Variants in NAA15 observed in about 807,000 individuals in gnomAD.
NAA15 encodes the protein N-alpha-acetyltransferase 15, NatA auxiliary subunit, also known as N-terminal acetyltransferase.
NAA15 carries 34 observed loss-of-function variants against 114.0 expected under a neutral mutation model. The observed-to-expected ratio is 0.30, with a 90% CI of 0.23 to 0.40. The LOEUF (loss-of-function observed/expected upper bound fraction) is 0.40. Ranked by LOEUF, NAA15 falls within the 10% of genes least tolerant of loss-of-function variation. The probability of loss-of-function intolerance (pLI) is 1.00; values close to 1 mark genes in which losing one functional copy is unlikely to be tolerated. For synonymous variants in NAA15, 340 were observed against 338.0 expected (o/e 1.01, Z -0.06); for missense variants, 658 against 1,004.5 (o/e 0.66, Z 4.66).
At chr4:139,363,435 T>G (rs1264525578) in intron 14 of NAA15, among the ~76,000 whole-genome samples, 3 of 152,194 alleles carry the variant, frequency 2.0e-5, no homozygotes, top group Non-Finnish European at 2.9e-5. Context: ...TTCAGGATGG[T>G]TCTTTGCAGG....
At chr4:139,377,665 A>G (rs772944561) in intron 16 of NAA15, among the ~76,000 whole-genome samples, 4 of 152,232 alleles carry the variant, frequency 2.6e-5, no homozygotes, top group South Asian at 2.1e-4. Flanking sequence ...TTACATAGGT[A>G]TATAATATAG....
At chr4:139,355,247 A>ATT (rs977344936) in intron 10 of NAA15, among the ~76,000 whole-genome samples, 1 of 147,950 alleles carries the variant, frequency 6.8e-6, no homozygotes, top group South Asian at 2.1e-4. Flanking sequence ...TATAAATGCC[A>ATT]TTTTTTTTTT....
intron 6 of NAA15, among the ~76,000 whole-genome samples, chr4:139,345,744 C>A (rs1747557742): frequency 1.3e-5 from 2 of 152,142 alleles, no homozygotes; most frequent in South Asian, 4.1e-4. Flanking sequence ...TCTGGTGAAA[C>A]CTCGTCTCTA....
rs780915831 is a variant in NAA15 at position 139,376,389 on chromosome 4, A to G, written c.1972A>G (p.Ile658Val). ...AKVETPLEEA[I>V]KFLTPLKNLV... ...GGTTGAAACTCCATTGGAAGAAGCT[A>G]TTAAATTTTTAACACCGTTGAAGAA... Residue 658 changes from isoleucine to valine, a missense_variant, in exon 16 of 20, where the codon ATT (isoleucine) becomes GTT (valine). Physicochemically the swap from Ile to Val is conservative, Grantham distance 29. Coordinates refer to ENST00000296543, the MANE Select transcript of NAA15 (RefSeq NM_057175.5). 16 of 1,609,780 alleles carry G rather than the reference A, an allele frequency of 9.9e-6. No individual in the cohort carries two copies. Among genetic ancestry groups the G allele is most frequent in the Non-Finnish European group, 1.4e-5 (16 of 1,176,342 alleles).
chr4:139,387,961 A>T lies in NAA15; in HGVS notation c.2478A>T (p.Ala826=). Residue 826 remains alanine (A), a synonymous_variant, in exon 20 of 20, where the codon GCA becomes GCT. Coordinates refer to ENST00000296543, the MANE Select transcript of NAA15 (RefSeq NM_057175.5). The part of the protein sequence containing the change: ...DCKEAAEIYR[A]NCHKLFPYAL... ...AAGAAGCTGCTGAAATTTATAGAGC[A>T]AATTGTCATAAGCTTTTCCCTTATG... 1 of 1,614,048 alleles carries T rather than the reference A, an allele frequency of 6.2e-7. No individual in the cohort carries two copies. The highest frequency in any genetic ancestry group is 1.1e-5 in the South Asian group (1 of 91,080).
At chr4:139,309,348 C>CAA (rs1185235574) in intron 1 of NAA15, among the ~76,000 whole-genome samples, 2 of 68,754 alleles carry the variant, frequency 2.9e-5, no homozygotes, top group African/African-American at 5.6e-5. Context: ...AACTTCGTCT[C>CAA]AAAAAAAAAA....
intron 6 of NAA15, among the ~76,000 whole-genome samples, chr4:139,344,761 C>A (rs1245651194): frequency 6.6e-6 from 1 of 151,980 alleles, no homozygotes; most frequent in African/African-American, 2.4e-5. Context: ...TCAGTCTTTA[C>A]TAAAATACAT....
chr4:139,325,685 G>A (rs895382304), intron 1 of NAA15, among the ~76,000 whole-genome samples: 3 of 152,318 alleles, frequency 2.0e-5, no homozygotes, highest in Non-Finnish European at 4.4e-5. Flanking sequence ...GTTTTGTTCT[G>A]TCGCTCAGGT....
intron 3 of NAA15, among the ~76,000 whole-genome samples, chr4:139,338,898 CCTCCTGGGTTCAGGTAATA>C (rs1282392429): frequency 1.2e-4 from 18 of 152,188 alleles, no homozygotes; most frequent in African/African-American, 4.3e-4. Context: ...GCAACCTCTA[CCTCCTGGGTTCAGGTAATA>C]CTCCTGTCTC....
chr4:139,332,774 G>T (rs1256980397), intron 1 of NAA15, among the ~76,000 whole-genome samples: 1 of 151,622 alleles, frequency 6.6e-6, no homozygotes, highest in African/African-American at 2.4e-5. Flanking sequence ...TGGAGACAGG[G>T]TTTCACCATG....
chr4:139,367,868 A>C (rs1748327953), intron 14 of NAA15, among the ~76,000 whole-genome samples: 1 of 152,164 alleles, frequency 6.6e-6, no homozygotes, highest in East Asian at 1.9e-4. Flanking sequence ...TAGTTAGCTC[A>C]CTGAGTCCAT....
chr4:139,370,107 A>G (rs1748393537), intron 14 of NAA15, 104 bp from the exon 15 acceptor site: 2 of 974,228 alleles, frequency 2.1e-6, no homozygotes, highest in Non-Finnish European at 2.9e-6. Context: ...GCCCAGCCTC[A>G]TGCAATATTT....
intron 1 of NAA15, chr4:139,302,587 TA>T (rs998110563): frequency 6.6e-6 from 1 of 152,218 alleles, no homozygotes; most frequent in African/African-American, 2.4e-5. Context: ...CGGTAGGAAG[TA>T]AAAAGTTGAG....
intron 15 of NAA15, among the ~76,000 whole-genome samples, chr4:139,374,268 C>T (rs1362307972): frequency 6.6e-6 from 1 of 152,208 alleles, no homozygotes; most frequent in Non-Finnish European, 1.5e-5. Flanking sequence ...AGTGCAGTCT[C>T]ATCCTACATG....
chr4:139,375,205 G>A (rs557833176), intron 15 of NAA15, among the ~76,000 whole-genome samples: 2 of 152,280 alleles, frequency 1.3e-5, no homozygotes, highest in South Asian at 4.1e-4. Flanking sequence ...ACAAATGTGT[G>A]GGGAAGTCGT....
At chr4:139,340,220 G>A (rs1173039656) in intron 3 of NAA15, among the ~76,000 whole-genome samples, 1 of 152,194 alleles carries the variant, frequency 6.6e-6, no homozygotes. Context: ...TACTCAGGAG[G>A]CTGAGGTGGG....
chr4:139,385,197 A>G (rs1320224652), intron 18 of NAA15, among the ~76,000 whole-genome samples: 1 of 148,770 alleles, frequency 6.7e-6, no homozygotes. Flanking sequence ...CAGAAGGATC[A>G]CTTGAGCCCA....
chr4:139,347,348 C>T (rs553865002), intron 6 of NAA15, among the ~76,000 whole-genome samples: 1 of 152,154 alleles, frequency 6.6e-6, no homozygotes, highest in Admixed American at 6.5e-5. Flanking sequence ...AGAATATGGG[C>T]TTGTAAGGCA....
intron 11 of NAA15, 112 bp downstream of exon 11, chr4:139,357,667 A>G: frequency 1.5e-6 from 1 of 686,598 alleles, no homozygotes; most frequent in Non-Finnish European, 2.4e-6. Flanking sequence ...TAACTCAAAA[A>G]ACATGAAGTA....
Sources: gnomAD v4.1 joint callset for allele counts (sites outside exome capture counted in the v4.1 genomes callset) on GRCh38, gnomAD v4.1.1 for gene constraint, MANE v1.5 for transcripts, NCBI Gene and HGNC (gene_info 2026-07-23, HGNC 2026-07-21) for gene names.